Variants in PTPRD observed in about 807,000 individuals in gnomAD.
PTPRD encodes receptor-type tyrosine-protein phosphatase delta.
Under a neutral mutation model 214.5 loss-of-function variants are expected in PTPRD, and 34 were observed. That is an observed-to-expected ratio of 0.16 (90% CI 0.12 to 0.21). The LOEUF (loss-of-function observed/expected upper bound fraction) is 0.21, where lower values mean the gene tolerates loss of function less well. Among genes scored for constraint, PTPRD ranks in the 10% least tolerant of loss-of-function variants. The pLI is 1.00. For synonymous variants in PTPRD, 1,128 were observed against 845.7 expected (o/e 1.33, Z -5.79); for missense variants, 2,545 against 2,398.7 (o/e 1.06, Z -1.27).
rs149217102 is a variant in PTPRD, at chr9:9,120,709, C to T, written c.-143+62595G>A. 2.0e-3 allele frequency among the ~76,000 whole-genome samples: 308 copies of T among 152,218 alleles called. 1 individual carries two copies. Among genetic ancestry groups the T allele is most frequent in the Admixed American group, 3.9e-3 (59 of 15,288 alleles). ...CTGACTGAGTAGATTTGAAGTAGCA[C>T]CTGTATATTCATAACTTTAAATTTC... is the stretch of plus-strand genomic sequence containing the variant. On this transcript the variant is annotated intron_variant, in intron 10 of 45. Coordinates refer to ENST00000381196, the MANE Select transcript of PTPRD (RefSeq NM_002839.4).
At chr9:10,584,799 A>G (rs1287110978) in intron 2 of PTPRD, among the ~76,000 whole-genome samples, 1 of 152,210 alleles carries the variant, frequency 6.6e-6, no homozygotes, top group Non-Finnish European at 1.5e-5. Context: ...AAATATATGA[A>G]TAAAACATAA....
intron 10 of PTPRD, among the ~76,000 whole-genome samples, chr9:9,069,390 T>A (rs536208665): frequency 6.6e-6 from 1 of 152,148 alleles, no homozygotes. Context: ...GACTTAAACG[T>A]CTTTGTGACT....
At chr9:9,171,893 T>C (rs1008297090) in intron 10 of PTPRD, among the ~76,000 whole-genome samples, 49 of 152,058 alleles carry the variant, frequency 3.2e-4, no homozygotes, top group Non-Finnish European at 2.1e-4. Context: ...AAGGTTAAAA[T>C]TTGGAAAGAC....
intron 8 of PTPRD, among the ~76,000 whole-genome samples, chr9:9,457,343 C>T (rs1056640335): frequency 6.6e-6 from 1 of 151,888 alleles, no homozygotes; most frequent in African/African-American, 2.4e-5. Flanking sequence ...GATCCAAAAC[C>T]AGATTTATCA....
At chr9:8,875,191 C>G (rs563093882) in intron 11 of PTPRD, among the ~76,000 whole-genome samples, 2 of 152,212 alleles carry the variant, frequency 1.3e-5, no homozygotes, top group East Asian at 3.9e-4. Context: ...AACATAATTG[C>G]TTATCACTGT....
chr9:8,624,609 C>G (rs1026487929), intron 14 of PTPRD, among the ~76,000 whole-genome samples: 2 of 151,866 alleles, frequency 1.3e-5, no homozygotes, highest in African/African-American at 4.8e-5. Context: ...GTTAGTTACT[C>G]TGCCAGATGA....
chr9:8,430,052 CTGT>C (rs1423691431), intron 35 of PTPRD, among the ~76,000 whole-genome samples: 1 of 152,132 alleles, frequency 6.6e-6, no homozygotes, highest in East Asian at 1.9e-4. Flanking sequence ...AGAAAAAATG[CTGT>C]TGTTGTAACT....
intron 4 of PTPRD, among the ~76,000 whole-genome samples, chr9:9,961,546 A>C (rs923565570): frequency 6.6e-6 from 1 of 152,152 alleles, no homozygotes; most frequent in African/African-American, 2.4e-5. Flanking sequence ...GCTATATAGC[A>C]ATTGGTGTGC....
Position 9,012,978 on chromosome 9 carries a change from T to C in PTPRD, c.-104+5719A>G, listed in dbSNP as rs577960837. 2.0e-5 allele frequency among the ~76,000 whole-genome samples: 3 copies of C among 152,142 alleles called. 1 individual carries two copies. In the East Asian group the frequency reaches 5.8e-4, roughly 29 times the overall value. On this transcript the variant is annotated intron_variant, in intron 11 of 45. Transcript: ENST00000381196. ...AATTTTCAGCAAAATTTTGAGTGTC[T>C]AAATTTTTTGAATGAAAAAAATAAA...
intron 9 of PTPRD, among the ~76,000 whole-genome samples, chr9:9,185,040 A>G (rs1188467035): frequency 6.6e-6 from 1 of 152,062 alleles, no homozygotes; most frequent in Non-Finnish European, 1.5e-5. Flanking sequence ...TGTGGGTTTT[A>G]GGTAAGACGC....
intron 7 of PTPRD, among the ~76,000 whole-genome samples, chr9:9,714,962 G>C (rs1481283949): frequency 6.6e-6 from 1 of 152,176 alleles, no homozygotes; most frequent in African/African-American, 2.4e-5. Context: ...GTTGGCTTAT[G>C]TTCATGACTA....
intron 10 of PTPRD, among the ~76,000 whole-genome samples, chr9:9,040,026 T>A (rs1480354841): frequency 6.6e-6 from 1 of 151,984 alleles, no homozygotes; most frequent in Non-Finnish European, 1.5e-5. Context: ...ACTTTACAGA[T>A]GAGGAAGCTA....
intron 2 of PTPRD, among the ~76,000 whole-genome samples, chr9:10,393,577 G>T (rs36063109): frequency 6.7e-6 from 1 of 150,052 alleles, no homozygotes; most frequent in Non-Finnish European, 1.5e-5. Flanking sequence ...GATTGCTTAA[G>T]ACCAGGAGTT....
intron 10 of PTPRD, among the ~76,000 whole-genome samples, chr9:9,077,689 C>T (rs574037323): frequency 1.8e-4 from 27 of 152,096 alleles, no homozygotes; most frequent in African/African-American, 6.3e-4. Flanking sequence ...TGAAATATCA[C>T]TTTACTGGGG....
At chr9:9,147,313 G>A (rs765535852) in intron 10 of PTPRD, among the ~76,000 whole-genome samples, 80 of 151,096 alleles carry the variant, frequency 5.3e-4, no homozygotes, top group Admixed American at 5.9e-4. Flanking sequence ...CAGTAAAAAT[G>A]AGTTTCCTGG....
chr9:9,958,444 T>C (rs2094121537), intron 4 of PTPRD, among the ~76,000 whole-genome samples: 1 of 152,072 alleles, frequency 6.6e-6, no homozygotes, highest in Admixed American at 6.6e-5. Flanking sequence ...GGCAGGAGAA[T>C]TGCTTGAACC....
intron 9 of PTPRD, among the ~76,000 whole-genome samples, chr9:9,367,611 TA>T (rs982478123): frequency 2.0e-5 from 3 of 151,064 alleles, no homozygotes; most frequent in East Asian, 1.9e-4. Context: ...AGTTTGGCAT[TA>T]AAAAAAACAG....
At chr9:8,601,483 G>A (rs1046848234) in intron 14 of PTPRD, among the ~76,000 whole-genome samples, 2 of 152,328 alleles carry the variant, frequency 1.3e-5, no homozygotes, top group African/African-American at 4.8e-5. Flanking sequence ...TCCCAGTGGT[G>A]ATGGCCACAG....
chr9:10,378,129 T>C (rs1438242467), intron 2 of PTPRD, among the ~76,000 whole-genome samples: 1 of 152,112 alleles, frequency 6.6e-6, no homozygotes, highest in African/African-American at 2.4e-5. Context: ...TGATGTATTA[T>C]TGCAGTTTTG....
Sources: gnomAD v4.1 joint callset for allele counts (sites outside exome capture counted in the v4.1 genomes callset) on GRCh38, gnomAD v4.1.1 for gene constraint, MANE v1.5 for transcripts, NCBI Gene and HGNC (gene_info 2026-07-23, HGNC 2026-07-21) for gene names.